The following ASAP3 variants were observed in gnomAD, a reference collection of about 807,000 sequenced individuals.
The protein encoded by ASAP3 is ArfGAP with SH3 domain, ankyrin repeat and PH domain 3, also known as arf-GAP with SH3 domain, ANK repeat and PH domain-containing protein 3.
Under a neutral mutation model 118.2 loss-of-function variants are expected in ASAP3, and 85 were observed. The ratio of observed to expected loss-of-function variants is 0.72; its 90% CI spans 0.60 to 0.86. The LOEUF (loss-of-function observed/expected upper bound fraction) is 0.86. Among genes scored for constraint, ASAP3 ranks in the 40% least tolerant of loss-of-function variants. The pLI is 0.00. For synonymous variants in ASAP3, 432 were observed against 477.4 expected, an observed-to-expected ratio of 0.90 and a Z score of 1.24; for missense variants, 1,026 against 1,175.0, an observed-to-expected ratio of 0.87 and a Z score of 1.85.
rs1031692707 is a variant in ASAP3, at chr1:23,430,921, C to T, written c.2637+114G>A. 2.6e-5 allele frequency: 27 copies of T among 1,024,186 alleles called. No homozygotes were observed. The African/African-American group carries it at 3.3e-4, about 12-fold the overall frequency. The allele number at this position is 1,024,186 out of a possible 1,614,324, so 63.4% of individuals were successfully genotyped here. A position where few individuals can be genotyped will look rare whatever the true frequency, so the allele number is the denominator to read the frequency against. On this transcript the variant is annotated intron_variant, in intron 24 of 24. Coordinates refer to ENST00000336689, the MANE Select transcript of ASAP3 (RefSeq NM_017707.4). ...TGTCCAAACTGTGGCTGCCTGGGCC[C>T]ATCTGTACCCCAACCATGGGGAGGT...
At chr1:23,457,803 G>A (rs1287260568) in intron 1 of ASAP3, among the ~76,000 whole-genome samples, 8 of 152,174 alleles carry the variant, frequency 5.3e-5, no homozygotes, top group East Asian at 1.9e-4. Context: ...ATGAGCCACC[G>A]TGCCCGGGCA....
intron 1 of ASAP3, among the ~76,000 whole-genome samples, chr1:23,483,385 G>C (rs914899603): frequency 3.9e-5 from 6 of 152,194 alleles, no homozygotes; most frequent in Non-Finnish European, 7.3e-5. Flanking sequence ...GAATGGGGTG[G>C]GGCAGCCTGC....
In ASAP3 at chr1:23,483,946, T is replaced by C. The variant is rs956191803; in HGVS notation, c.129+59A>G. On this transcript the variant is annotated intron_variant, in intron 1 of 24. Coordinates refer to ENST00000336689, the MANE Select transcript of ASAP3 (RefSeq NM_017707.4). ...TCGCAGCTCGGGTGCGACACGCCTGTGGAGGTCAAGGCCAGGCCCGGCGCC... is the reference window on the plus strand; with the variant it reads ...TCGCAGCTCGGGTGCGACACGCCTGCGGAGGTCAAGGCCAGGCCCGGCGCC... The C allele has an allele frequency of 5.2e-5, 64 of 1,239,760 alleles. 1 individual carries two copies. The Admixed American group carries it at 7.2e-4, about 14-fold the overall frequency. 76.8% of individuals were successfully genotyped at this position (1,239,760 alleles called of 1,614,324 possible).
chr1:23,429,536 A>C lies in ASAP3; in HGVS notation c.*320T>G. On this transcript the variant is annotated 3_prime_UTR_variant, in exon 25 of 25. Coordinates refer to ENST00000336689, the MANE Select transcript of ASAP3 (RefSeq NM_017707.4). ...GTGAAGCCCCCAGACTGACGGGGGA[A>C]ATAGAGTCTCGATCTGATGAGGGAC... The C allele has an allele frequency of 4.8e-6, 1 of 209,660 alleles. No homozygotes were observed. The highest frequency in any genetic ancestry group is 9.6e-6 in the Non-Finnish European group (1 of 104,586). The allele number at this position is 209,660 out of a possible 1,614,324, so 13.0% of individuals were successfully genotyped here.
intron 1 of ASAP3, among the ~76,000 whole-genome samples, chr1:23,467,262 G>A (rs1641805205): frequency 6.6e-6 from 1 of 151,444 alleles, no homozygotes; most frequent in South Asian, 2.1e-4. Context: ...AAGTGCAGTG[G>A]CGTGATCTCG....
At chr1:23,430,411 T>G (rs1394820410) in intron 24 of ASAP3, among the ~76,000 whole-genome samples, 1 of 152,180 alleles carries the variant, frequency 6.6e-6, no homozygotes, top group African/African-American at 2.4e-5. Context: ...TCAACTAATA[T>G]ATGCCATTGT....
chr1:23,473,482 C>T (rs1016750164), intron 1 of ASAP3, among the ~76,000 whole-genome samples: 1 of 152,222 alleles, frequency 6.6e-6, no homozygotes, highest in Non-Finnish European at 1.5e-5. Context: ...GTCTCACTCC[C>T]TCATCTGCCC....
chr1:23,464,175 A>G (rs1641686034), intron 1 of ASAP3, among the ~76,000 whole-genome samples: 1 of 149,520 alleles, frequency 6.7e-6, no homozygotes, highest in South Asian at 2.1e-4. Flanking sequence ...ACCCCGATCT[A>G]TACCAAAAAA....
At chr1:23,431,233 T>TA (rs1640421065) in intron 23 of ASAP3, 108 bp from the exon 24 acceptor site, 3 of 1,196,370 alleles carry the variant, frequency 2.5e-6, no homozygotes, top group Non-Finnish European at 2.4e-6. Context: ...GATGGGTGGG[T>TA]AGAGTCCACA....
At chr1:23,443,572 CTTTTTT>C (rs746267830) in intron 5 of ASAP3, among the ~76,000 whole-genome samples, 7 of 151,824 alleles carry the variant, frequency 4.6e-5, no homozygotes, top group Non-Finnish European at 8.8e-5. Context: ...CTTTCTTTTT[CTTTTTT>C]TTAGTGCAGT....
intron 1 of ASAP3, among the ~76,000 whole-genome samples, chr1:23,464,477 G>A (rs1397082250): frequency 6.6e-6 from 1 of 151,620 alleles, no homozygotes; most frequent in Non-Finnish European, 1.5e-5. Context: ...ATGAGGCACT[G>A]CACCCGACCA....
intron 21 of ASAP3, 65 bp from the exon 22 acceptor site, chr1:23,433,337 C>T: frequency 6.2e-7 from 1 of 1,610,658 alleles, no homozygotes; most frequent in South Asian, 1.1e-5. Context: ...TGTCCCCCCG[C>T]CTCACCGCCC....
In ASAP3 at chr1:23,437,170, G is replaced by C; in HGVS notation, c.1302C>G (p.Ser434Arg). The C allele has an allele frequency of 6.2e-7, 1 of 1,608,338 alleles. No individual in the cohort carries two copies. The highest frequency in any genetic ancestry group is 1.3e-5 in the African/African-American group (1 of 74,990). ...LTKLLIAEVK[S>R]RPGNSQCCDC... ...CGCAGCACTGGCTATTCCCAGGCCT[G>C]CTCTTCACCTCCGCGATGAGCAGCT... The change falls in exon 14 of 25, where the codon AGC becomes AGG. Residue 434 changes from serine to arginine, a missense_variant. Coordinates refer to ENST00000336689, the MANE Select transcript of ASAP3 (RefSeq NM_017707.4). The surrounding 1 kb of genome is among the most constrained non-coding windows in gnomAD (Gnocchi z 6.1).
At chr1:23,457,009 TGG>T (rs923074746) in intron 1 of ASAP3, among the ~76,000 whole-genome samples, 2 of 152,154 alleles carry the variant, frequency 1.3e-5, no homozygotes, top group African/African-American at 4.8e-5. Context: ...TCAGCCTAGA[TGG>T]GAAACACTCC....
In ASAP3 at chr1:23,442,574, G is replaced by A. The variant is rs561907649; in HGVS notation, c.512C>T (p.Thr171Ile). ...GGCCACCTCCCCAGGGATCCCTCCT[G>A]TCACCCTGGCCCGATCGCGCTCCTT... The part of the protein sequence containing the change: ...LEKERDRARV[T>I]GGIPGEVAQD... The change falls in exon 6 of 25, where the codon ACA (threonine) becomes ATA (isoleucine). Residue 171 changes from threonine (T) to isoleucine (I), a missense_variant. Coordinates refer to ENST00000336689, the MANE Select transcript of ASAP3 (RefSeq NM_017707.4). 5 of 1,614,084 alleles carry A rather than the reference G, an allele frequency of 3.1e-6. No individual in the cohort carries two copies. In the African/African-American group the frequency reaches 5.3e-5, roughly 17 times the overall value.
At chr1:23,431,965 GC>G in intron 22 of ASAP3, 47 bp from the exon 23 acceptor site, 1 of 1,535,776 alleles carries the variant, frequency 6.5e-7, no homozygotes, top group East Asian at 2.3e-5. Flanking sequence ...TTTATCACTT[GC>G]TCTGTGCCCA....
At chr1:23,483,775 G>A (rs1417804042) in intron 1 of ASAP3, among the ~76,000 whole-genome samples, 1 of 152,228 alleles carries the variant, frequency 6.6e-6, no homozygotes, top group Admixed American at 6.5e-5. Context: ...GACCTGTGGA[G>A]TTTGTCATCG....
Position 23,437,377 on chromosome 1 carries a change from C to T in ASAP3, c.1151+47G>A, listed in dbSNP as rs375599950. On this transcript the variant is annotated intron_variant, in intron 13 of 24. Transcript: ENST00000336689. The surrounding 1 kb of genome is among the most constrained non-coding windows in gnomAD (Gnocchi z 6.1). ...GTCAAGTGGGAAGAGATAGGGCCGCCGGCCCCCACCCACAAGGCTGGCCGG... is the reference window on the plus strand; with the variant it reads ...GTCAAGTGGGAAGAGATAGGGCCGCTGGCCCCCACCCACAAGGCTGGCCGG... 7 of 1,610,872 alleles carry T rather than the reference C, an allele frequency of 4.3e-6. No homozygotes were observed. Among genetic ancestry groups the T allele is most frequent in the Admixed American group, 3.3e-5 (2 of 59,718 alleles).
At position 23,437,581 on chromosome 1, in the gene ASAP3, C is replaced by G. The variant is rs1336058434; in HGVS notation, c.1103-109G>C. 5 of 1,351,248 alleles carry G rather than the reference C, an allele frequency of 3.7e-6. No homozygotes were observed. In the African/African-American group the frequency reaches 7.3e-5, roughly 20 times the overall value. The allele number at this position is 1,351,248 out of a possible 1,614,324, so 83.7% of individuals were successfully genotyped here. ...GGGCCACATGGAGATGTGTCCCTGA[C>G]AAGTCGGACTCTCAAGCTAGGAGTG... On this transcript the variant is annotated intron_variant, in intron 12 of 24. Coordinates refer to ENST00000336689, the MANE Select transcript of ASAP3 (RefSeq NM_017707.4). The surrounding 1 kb of genome is among the most constrained non-coding windows in gnomAD (Gnocchi z 6.1).
Sources: allele counts gnomAD v4.1 joint callset (sites outside exome capture counted in the v4.1 genomes callset), GRCh38; gene constraint gnomAD v4.1.1; non-coding constraint Gnocchi (gnomAD v3.1); transcripts MANE v1.5; gene names NCBI Gene and HGNC (gene_info 2026-07-23, HGNC 2026-07-21).